Variants in KDM4C observed in about 807,000 individuals in gnomAD.
The protein encoded by KDM4C is lysine-specific demethylase 4C.
Under a neutral mutation model 129.3 loss-of-function variants are expected in KDM4C, and 81 were observed. The observed-to-expected ratio is 0.63, with a 90% CI of 0.52 to 0.75. The LOEUF (loss-of-function observed/expected upper bound fraction) is 0.75, where lower values mean the gene tolerates loss of function less well. Ranked by LOEUF, KDM4C falls within the 30% of genes least tolerant of loss-of-function variation. The probability of loss-of-function intolerance (pLI) is 0.00; values close to 1 mark genes in which losing one functional copy is unlikely to be tolerated. For missense variants in KDM4C, 1,457 were observed against 1,304.0 expected (o/e 1.12, Z -1.81); for synonymous variants, 573 against 456.1 (o/e 1.26, Z -3.26).
chr9:7,057,368 C>G (rs1831005794), intron 17 of KDM4C, among the ~76,000 whole-genome samples: 1 of 152,234 alleles, frequency 6.6e-6, no homozygotes, highest in Non-Finnish European at 1.5e-5. Context: ...CAAAGTTTCT[C>G]TGCATTCATC....
intron 19 of KDM4C, among the ~76,000 whole-genome samples, chr9:7,134,038 T>C (rs1840924868): frequency 6.6e-6 from 1 of 152,232 alleles, no homozygotes; most frequent in South Asian, 2.1e-4. Flanking sequence ...GTGTTATGTG[T>C]GCTCCAGAGG....
intron 1 of KDM4C, among the ~76,000 whole-genome samples, chr9:6,775,710 C>G (rs1257757463): frequency 6.6e-6 from 1 of 150,964 alleles, no homozygotes; most frequent in Admixed American, 6.6e-5. Flanking sequence ...TTAGTAGAGA[C>G]GGGGTTTCTC....
At chr9:7,076,017 A>G (rs1375123683) in intron 17 of KDM4C, among the ~76,000 whole-genome samples, 1 of 152,136 alleles carries the variant, frequency 6.6e-6, no homozygotes, top group Admixed American at 6.5e-5. Flanking sequence ...GATAGAACGA[A>G]CATTTATGGC....
At chr9:6,834,670 G>C in intron 4 of KDM4C, 2 of 813,102 alleles carry the variant, frequency 2.5e-6, no homozygotes, top group Non-Finnish European at 4.4e-6. Flanking sequence ...GCCTCATCGA[G>C]CATGGCATCA....
At chr9:7,056,213 G>A (rs992501489) in intron 17 of KDM4C, among the ~76,000 whole-genome samples, 5 of 152,126 alleles carry the variant, frequency 3.3e-5, no homozygotes, top group African/African-American at 7.2e-5. Flanking sequence ...CAGATGACAC[G>A]GTTGTGGTAT....
At chr9:6,762,228 C>T (rs1819692607) in intron 1 of KDM4C, among the ~76,000 whole-genome samples, 1 of 152,122 alleles carries the variant, frequency 6.6e-6, no homozygotes. Flanking sequence ...AGGTATTTCT[C>T]CTAACACTAT....
intron 4 of KDM4C, among the ~76,000 whole-genome samples, chr9:6,826,024 C>G (rs1255411143): frequency 6.6e-6 from 1 of 152,144 alleles, no homozygotes; most frequent in Non-Finnish European, 1.5e-5. Context: ...ATTGCCCAGG[C>G]TGATCTCAAA....
At chr9:7,139,933 A>G (rs1204438786) in intron 19 of KDM4C, among the ~76,000 whole-genome samples, 1 of 152,206 alleles carries the variant, frequency 6.6e-6, no homozygotes, top group Non-Finnish European at 1.5e-5. Context: ...AAAGCTTTAG[A>G]GCAGTAATGA....
At chr9:6,959,203 G>C (rs559002049) in intron 8 of KDM4C, among the ~76,000 whole-genome samples, 1 of 152,288 alleles carries the variant, frequency 6.6e-6, no homozygotes, top group African/African-American at 2.4e-5. Flanking sequence ...AGAGAGCCCA[G>C]TTTTCTTCAT....
intron 8 of KDM4C, among the ~76,000 whole-genome samples, chr9:6,980,716 T>C (rs747581187): frequency 2.0e-5 from 3 of 152,184 alleles, no homozygotes; most frequent in Non-Finnish European, 4.4e-5. Context: ...CACAAACCAT[T>C]ATAACCACAT....
At chr9:7,072,495 T>G (rs1377237220) in intron 17 of KDM4C, among the ~76,000 whole-genome samples, 1 of 152,238 alleles carries the variant, frequency 6.6e-6, no homozygotes, top group Admixed American at 6.5e-5. Flanking sequence ...TCAGATTCAT[T>G]ACCCTAAGTG....
intron 21 of KDM4C, chr9:7,170,423 A>G (rs1844843448): frequency 1.0e-6 from 1 of 988,960 alleles, no homozygotes; most frequent in Non-Finnish European, 1.2e-6. Flanking sequence ...CCTAAATGCT[A>G]GTTGTGGGAA....
chr9:7,052,894 A>AGAGAGAGAGAGAGAGAGAGAGAGCGC (rs1339242817), intron 17 of KDM4C, among the ~76,000 whole-genome samples: 9 of 105,500 alleles, frequency 8.5e-5, no homozygotes, highest in Admixed American at 1.9e-4. Context: ...AGAGAGAGAG[A>AGAGAGAGAGAGAGAGAGAGAGAGCGC]GAGAGAGCGA....
At chr9:7,017,569 A>G (rs939591926) in intron 15 of KDM4C, among the ~76,000 whole-genome samples, 2 of 152,152 alleles carry the variant, frequency 1.3e-5, no homozygotes, top group Non-Finnish European at 2.9e-5. Context: ...CTTTGTTGCC[A>G]TTTGATTAAG....
intron 17 of KDM4C, among the ~76,000 whole-genome samples, chr9:7,067,349 TG>T (rs1266917716): frequency 2.0e-5 from 3 of 152,264 alleles, no homozygotes; most frequent in African/African-American, 7.2e-5. Context: ...CAACAGTTTT[TG>T]TAACTTCAGC....
At chr9:6,785,407 G>T (rs1055213886) in intron 1 of KDM4C, among the ~76,000 whole-genome samples, 3 of 151,904 alleles carry the variant, frequency 2.0e-5, no homozygotes, top group African/African-American at 7.3e-5. Context: ...TGCGATCTTG[G>T]CTCACTGCAA....
intron 7 of KDM4C, among the ~76,000 whole-genome samples, chr9:6,888,564 G>A (rs1845628506): frequency 6.6e-6 from 1 of 152,080 alleles, no homozygotes; most frequent in South Asian, 2.1e-4. Context: ...CTGAAGATTA[G>A]GTTCTATAAA....
intron 8 of KDM4C, among the ~76,000 whole-genome samples, chr9:6,980,654 A>G (rs753548001): frequency 6.6e-6 from 1 of 152,074 alleles, no homozygotes; most frequent in Non-Finnish European, 1.5e-5. Flanking sequence ...GTGCTTCCAA[A>G]TGAGCACTCT....
intron 8 of KDM4C, among the ~76,000 whole-genome samples, chr9:6,920,372 G>A (rs887465952): frequency 1.3e-5 from 2 of 152,122 alleles, no homozygotes; most frequent in Admixed American, 6.6e-5. Context: ...GACCAGCCTG[G>A]CCAACATGGT....
Sources: gnomAD v4.1 joint callset for allele counts (sites outside exome capture counted in the v4.1 genomes callset) on GRCh38, gnomAD v4.1.1 for gene constraint, MANE v1.5 for transcripts, NCBI Gene and HGNC (gene_info 2026-07-23, HGNC 2026-07-21) for gene names.